ATP10D: variants seen among roughly 807,000 people sequenced by gnomAD.
ATP10D encodes the protein phospholipid-transporting ATPase VD.
Under a neutral mutation model 144.8 loss-of-function variants are expected in ATP10D, and 89 were observed. The ratio of observed to expected loss-of-function variants is 0.61; its 90% CI spans 0.52 to 0.73. The LOEUF (loss-of-function observed/expected upper bound fraction) is 0.73, where lower values mean the gene tolerates loss of function less well. Ranked by LOEUF, ATP10D falls within the 30% of genes least tolerant of loss-of-function variation. The probability of loss-of-function intolerance (pLI) is 0.00; values close to 1 mark genes in which losing one functional copy is unlikely to be tolerated. For missense variants in ATP10D, 1,603 were observed against 1,714.8 expected (o/e 0.93, Z 1.15); for synonymous variants, 571 against 615.1 (o/e 0.93, Z 1.06).
intron 12 of ATP10D, 108 bp from the exon 13 acceptor site, chr4:47,558,815 G>T: frequency 1.2e-6 from 1 of 867,208 alleles, no homozygotes; most frequent in African/African-American, 1.7e-5. Flanking sequence ...AAACCAGAAG[G>T]CTTTTTTATT....
At chr4:47,559,079 C>A in intron 13 of ATP10D, 50 bp downstream of exon 13, 1 of 1,435,548 alleles carries the variant, frequency 7.0e-7, no homozygotes, top group South Asian at 1.2e-5. Flanking sequence ...CCTTGTTTAG[C>A]TATCACTGAC....
At chr4:47,501,546 G>C (rs1432709965) in intron 1 of ATP10D, among the ~76,000 whole-genome samples, 3 of 152,052 alleles carry the variant, frequency 2.0e-5, no homozygotes, top group Non-Finnish European at 2.9e-5. Context: ...TTGATGGGTT[G>C]CCAGAGCTAT....
At chr4:47,534,195 AT>A (rs1406841340) in intron 5 of ATP10D, among the ~76,000 whole-genome samples, 1 of 151,956 alleles carries the variant, frequency 6.6e-6, no homozygotes, top group Non-Finnish European at 1.5e-5. Context: ...TCCATCGTTC[AT>A]TTTCTGAATA....
chr4:47,510,253 T>C (rs531530669), intron 1 of ATP10D, among the ~76,000 whole-genome samples: 25 of 152,228 alleles, frequency 1.6e-4, no homozygotes, highest in African/African-American at 5.5e-4. Flanking sequence ...AGAATGACAG[T>C]GCTGAAGAGA....
rs1717203810 is a variant in ATP10D, at chr4:47,525,653, C to T, written c.776+11C>T. Reference sequence around the variant, plus strand: ...ATTCCGAGGCTTCCTGTGAGTAATACATGATGAACATTTGTGGGTGTAAGT... The same window carrying T: ...ATTCCGAGGCTTCCTGTGAGTAATATATGATGAACATTTGTGGGTGTAAGT... On this transcript the variant is annotated intron_variant, in intron 5 of 22. Transcript: ENST00000273859. The T allele has an allele frequency of 6.3e-7, 1 of 1,586,448 alleles. No individual in the cohort carries two copies. Among genetic ancestry groups the T allele is most frequent in the Non-Finnish European group, 8.7e-7 (1 of 1,155,306 alleles).
In ATP10D at chr4:47,558,089, G is replaced by A; in HGVS notation, c.2250G>A (p.Glu750=). Residue 750 remains glutamate, a synonymous_variant, in exon 12 of 23, where the codon GAG becomes GAA. Coordinates refer to ENST00000273859, the MANE Select transcript of ATP10D (RefSeq NM_020453.4). ...GCACTTTACGGTCTCGGACACCAGAGCAGGTCATGGTGGACTTTGCTGCTT... is the reference window on the plus strand; with the variant it reads ...GCACTTTACGGTCTCGGACACCAGAACAGGTCATGGTGGACTTTGCTGCTT... ...YQCTLRSRTP[E]QVMVDFAALG... The A allele has an allele frequency of 6.2e-7, 1 of 1,614,240 alleles. No individual in the cohort carries two copies. Among genetic ancestry groups the A allele is most frequent in the South Asian group, 1.1e-5 (1 of 91,090 alleles).
chr4:47,547,350 T>G (rs1430190360), intron 10 of ATP10D: 1 of 162,856 alleles, frequency 6.1e-6, no homozygotes, highest in Non-Finnish European at 1.4e-5. Context: ...AAGGTCATTT[T>G]CTAATATATC....
chr4:47,536,320 A>G (rs1717843664), intron 7 of ATP10D, 117 bp from the exon 8 acceptor site: 2 of 1,339,926 alleles, frequency 1.5e-6, no homozygotes, highest in Admixed American at 2.3e-5. Flanking sequence ...TTCCAAAAAC[A>G]AACAGTTGAT....
rs1441862262 is a variant in ATP10D at position 47,576,882 on chromosome 4, C to T, written c.3476C>T (p.Pro1159Leu). Residue 1159 changes from proline to leucine, a missense_variant, in exon 19 of 23, where the codon CCT (proline) becomes CTT (leucine). By Grantham distance (98) the Pro-to-Leu change is moderately conservative (BLOSUM62 -3). Transcript: ENST00000273859. ...IFFNLLFTSA[P>L]PVIYGVLEKD... is the part of the protein sequence containing the mutation. The stretch of plus-strand genomic sequence containing the variant: ...TTCAACCTCCTCTTCACATCTGCCC[C>T]TCCTGTCATTTATGGTGTTTTGGAG... 3 of 1,614,044 alleles carry T rather than the reference C, an allele frequency of 1.9e-6. No homozygotes were observed. The highest frequency in any genetic ancestry group is 2.5e-6 in the Non-Finnish European group (3 of 1,180,024).
At chr4:47,514,298 T>C (rs1194932023) in intron 2 of ATP10D, among the ~76,000 whole-genome samples, 6 of 152,210 alleles carry the variant, frequency 3.9e-5, no homozygotes, top group Admixed American at 6.5e-5. Flanking sequence ...TTCATTCTTT[T>C]ATGGAGTTTG....
At chr4:47,545,712 A>G (rs1718382344) in intron 9 of ATP10D, among the ~76,000 whole-genome samples, 1 of 152,240 alleles carries the variant, frequency 6.6e-6, no homozygotes, top group South Asian at 2.1e-4. Context: ...GTCTGAGATT[A>G]TCATATTGGC....
intron 18 of ATP10D, among the ~76,000 whole-genome samples, chr4:47,575,924 C>CTTTTTTTTTTT (rs564960460): frequency 2.4e-5 from 2 of 82,282 alleles, no homozygotes; most frequent in African/African-American, 5.4e-5. Flanking sequence ...ACTGGGGTCC[C>CTTTTTTTTTTT]TTTTTTTTTT....
At chr4:47,547,121 G>T (rs1718485542) in intron 10 of ATP10D, 1 of 466,094 alleles carries the variant, frequency 2.1e-6, no homozygotes, top group Non-Finnish European at 3.9e-6. Flanking sequence ...TTCTGGCCAG[G>T]GCTGATTATG....
At chr4:47,580,509 A>G (rs981991971) in intron 20 of ATP10D, 31 bp downstream of exon 20, 2 of 1,565,086 alleles carry the variant, frequency 1.3e-6, no homozygotes, top group Non-Finnish European at 1.8e-6. Flanking sequence ...TATATTTGTT[A>G]TTAATGAATC....
At chr4:47,502,743 G>A (rs1715776828) in intron 1 of ATP10D, among the ~76,000 whole-genome samples, 1 of 150,598 alleles carries the variant, frequency 6.6e-6, no homozygotes, top group Non-Finnish European at 1.5e-5. Context: ...TCTCACGAGA[G>A]AACTGAAGAA....
At chr4:47,506,358 T>C (rs1223473181) in intron 1 of ATP10D, among the ~76,000 whole-genome samples, 3 of 151,594 alleles carry the variant, frequency 2.0e-5, no homozygotes, top group Non-Finnish European at 2.9e-5. Flanking sequence ...GTAATTATTA[T>C]TAAAGTGTTA....
Position 47,569,004 on chromosome 4 carries a change from C to T in ATP10D, c.3021C>T (p.Ala1007=). Residue 1007 remains alanine (A), a synonymous_variant, in exon 16 of 23, where the codon GCC becomes GCT. Transcript: ENST00000273859. ...TCACTGGGAAGACCCTGGAGTTTGC[C>T]CTGCAAGAAAGTCTGCAAAAGCAGT... is the stretch of plus-strand genomic sequence containing the variant. ...LIITGKTLEF[A]LQESLQKQFL... is the part of the protein sequence containing the mutation. 2 of 1,614,180 alleles carry T rather than the reference C, an allele frequency of 1.2e-6. No homozygotes were observed. Among genetic ancestry groups the T allele is most frequent in the Non-Finnish European group, 1.7e-6 (2 of 1,180,040 alleles).
At chr4:47,570,663 G>A (rs896647237) in intron 16 of ATP10D, among the ~76,000 whole-genome samples, 2 of 152,070 alleles carry the variant, frequency 1.3e-5, no homozygotes, top group East Asian at 3.9e-4. Context: ...ACTTGGCCAG[G>A]CCTGGTGGTG....
At position 47,528,458 on chromosome 4, in the gene ATP10D, GGTGTGTGTGTGTGTGTGTGTGTGTGTGT is replaced by G. The variant is rs372960268; in HGVS notation, c.776+2845_776+2872del. Among the ~76,000 whole-genome samples the G allele has an allele frequency of 6.0e-5, 7 of 116,214 alleles. 1 individual carries two copies. Among genetic ancestry groups the G allele is most frequent in the Admixed American group, 4.5e-4 (5 of 11,114 alleles). The allele number at this position is 116,214 out of a possible 152,430, so 76.2% of individuals were successfully genotyped here. On this transcript the variant is annotated intron_variant, in intron 5 of 22. Coordinates refer to ENST00000273859, the MANE Select transcript of ATP10D (RefSeq NM_020453.4). Reference sequence around the variant, plus strand: ...TTTTTATAGCTGAATAGTAGTCCATGGTGTGTGTGTGTGTGTGTGTGTGTGTGTGTGTGTGTGTGTGTGTGTGTGTGTG... The same window carrying G: ...TTTTTATAGCTGAATAGTAGTCCATGGTGTGTGTGTGTGTGTGTGTGTGTG...
Sources: gnomAD v4.1 joint callset for allele counts (sites outside exome capture counted in the v4.1 genomes callset) on GRCh38, gnomAD v4.1.1 for gene constraint, MANE v1.5 for transcripts, NCBI Gene and HGNC (gene_info 2026-07-23, HGNC 2026-07-21) for gene names.